Variants in RAI14 observed in about 807,000 individuals in gnomAD.
RAI14 encodes the protein retinoic acid induced 14, also known as ankycorbin.
A neutral mutation model predicts 115.4 loss-of-function variants in RAI14; 45 were observed. The ratio of observed to expected loss-of-function variants is 0.39; its 90% CI spans 0.31 to 0.50. RAI14 has a LOEUF of 0.50. RAI14 is among the 20% of genes least tolerant of loss of function. RAI14 has a pLI of 0.85. For synonymous variants in RAI14, 371 were observed against 415.4 expected, an observed-to-expected ratio of 0.89 and a Z score of 1.30; for missense variants, 939 against 1,131.2, an observed-to-expected ratio of 0.83 and a Z score of 2.44.
Position 34,820,443 on chromosome 5 carries a change from TA to T in RAI14, c.995-1285del, listed in dbSNP as rs542450702. 1.5e-3 allele frequency among the ~76,000 whole-genome samples: 221 copies of T among 152,204 alleles called. 1 individual carries two copies. Among genetic ancestry groups the T allele is most frequent in the African/African-American group, 5.0e-3 (208 of 41,536 alleles). On this transcript the variant is annotated intron_variant, in intron 13 of 17. Coordinates refer to ENST00000265109, the MANE Select transcript of RAI14 (RefSeq NM_015577.3). Reference sequence around the variant, plus strand: ...AAAAATACAAAAATTAGCTATTACATAAAATTATTGAGATTTTATGTAATAG... The same window carrying T: ...AAAAATACAAAAATTAGCTATTACATAAATTATTGAGATTTTATGTAATAG...
intron 2 of RAI14, among the ~76,000 whole-genome samples, chr5:34,717,982 A>T (rs1486373732): frequency 1.4e-5 from 2 of 147,336 alleles, no homozygotes; most frequent in African/African-American, 5.1e-5. Context: ...ACTCAGTAGG[A>T]CATCCTAAAG....
At chr5:34,703,271 T>G (rs1740306106) in intron 2 of RAI14, among the ~76,000 whole-genome samples, 1 of 152,222 alleles carries the variant, frequency 6.6e-6, no homozygotes, top group Non-Finnish European at 1.5e-5. Context: ...TCAACACCTC[T>G]TCTTAGAAAT....
chr5:34,710,079 G>A (rs146757107), intron 2 of RAI14, among the ~76,000 whole-genome samples: 299 of 152,312 alleles, frequency 2.0e-3, no homozygotes, highest in Middle Eastern at 3.4e-3. Context: ...TACATCCTCC[G>A]CTTTCCTCAC....
intron 2 of RAI14, among the ~76,000 whole-genome samples, chr5:34,752,489 AGATGAGCGAGTG>A (rs1747159555): frequency 6.6e-6 from 1 of 151,920 alleles, no homozygotes; most frequent in African/African-American, 2.4e-5. Flanking sequence ...GCTTCGGTTG[AGATGAGCGAGTG>A]GATGGCCCCC....
At position 34,786,491 on chromosome 5, in the gene RAI14, C is replaced by G. The variant is rs114153639; in HGVS notation, c.168-9448C>G. ...CTTTAGCTTTAGCTGGCAAACAAAC[C>G]GGCTCTGTTACTTCTTCTGTTACTT... On this transcript the variant is annotated intron_variant, in intron 3 of 17. Transcript: ENST00000265109. Among the ~76,000 whole-genome samples, 862 of 152,250 alleles carry G rather than the reference C, an allele frequency of 5.7e-3. 6 individuals carry two copies. Among genetic ancestry groups the G allele is most frequent in the African/African-American group, 0.02 (815 of 41,538 alleles).
intron 2 of RAI14, among the ~76,000 whole-genome samples, chr5:34,708,192 G>A (rs371337433): frequency 1.1e-4 from 16 of 150,432 alleles, no homozygotes; most frequent in African/African-American, 3.6e-4. Flanking sequence ...AAGTATAAGG[G>A]AACTTTGGGT....
chr5:34,785,323 T>C (rs1158750152), intron 3 of RAI14, among the ~76,000 whole-genome samples: 3 of 152,022 alleles, frequency 2.0e-5, no homozygotes, highest in African/African-American at 7.3e-5. Flanking sequence ...ACCTTGCAAA[T>C]TTTTTCCTAG....
chr5:34,781,367 T>TA (rs1252487879), intron 3 of RAI14, among the ~76,000 whole-genome samples: 1 of 152,032 alleles, frequency 6.6e-6, no homozygotes, highest in African/African-American at 2.4e-5. Context: ...AAGTATAATT[T>TA]AAAAAAATAA....
chr5:34,732,294 C>T (rs1744292179), intron 2 of RAI14, among the ~76,000 whole-genome samples: 1 of 151,982 alleles, frequency 6.6e-6, no homozygotes, highest in Non-Finnish European at 1.5e-5. Flanking sequence ...CAAATGTGGC[C>T]CATGGACTCG....
intron 1 of RAI14, among the ~76,000 whole-genome samples, chr5:34,676,420 A>G (rs1397941739): frequency 1.3e-5 from 2 of 152,224 alleles, no homozygotes; most frequent in East Asian, 3.8e-4. Context: ...TTTAAGGGAT[A>G]ATTGCATGGA....
intron 7 of RAI14, 55 bp downstream of exon 7, chr5:34,808,709 A>G (rs375175209): frequency 3.7e-4 from 561 of 1,501,514 alleles, no homozygotes; most frequent in African/African-American, 3.9e-4. Flanking sequence ...CTAGAGCTCA[A>G]TGGGATACCT....
At chr5:34,815,196 C>T (rs1379404477) in intron 12 of RAI14, among the ~76,000 whole-genome samples, 2 of 152,058 alleles carry the variant, frequency 1.3e-5, no homozygotes, top group African/African-American at 2.4e-5. Flanking sequence ...TCCTGGCCAA[C>T]ATGGTGAAAC....
intron 2 of RAI14, among the ~76,000 whole-genome samples, chr5:34,734,811 C>A (rs1245679610): frequency 6.6e-6 from 1 of 152,112 alleles, no homozygotes; most frequent in Non-Finnish European, 1.5e-5. Context: ...CAGGCACATA[C>A]CACCACGCCA....
intron 1 of RAI14, among the ~76,000 whole-genome samples, chr5:34,671,269 C>T (rs1384219292): frequency 2.0e-5 from 3 of 152,134 alleles, no homozygotes; most frequent in Admixed American, 6.6e-5. Context: ...ATCGTCTTCT[C>T]GGCAGCAGGA....
chr5:34,728,877 G>T (rs1323195400), intron 2 of RAI14, among the ~76,000 whole-genome samples: 1 of 152,074 alleles, frequency 6.6e-6, no homozygotes, highest in Non-Finnish European at 1.5e-5. Context: ...AGCCATGATG[G>T]CGTCACTGCA....
intron 2 of RAI14, among the ~76,000 whole-genome samples, chr5:34,700,187 T>A (rs1057369388): frequency 3.3e-5 from 5 of 152,172 alleles, no homozygotes; most frequent in African/African-American, 1.2e-4. Context: ...TGGCTGTGCT[T>A]GTGAAGGTTT....
intron 3 of RAI14, among the ~76,000 whole-genome samples, chr5:34,761,353 A>AT (rs1343809728): frequency 1.3e-5 from 2 of 151,760 alleles, no homozygotes; most frequent in South Asian, 2.1e-4. Context: ...CACCCAGCTA[A>AT]TTTTGGTTTT....
intron 2 of RAI14, among the ~76,000 whole-genome samples, chr5:34,731,152 CT>C (rs1265232733): frequency 6.6e-6 from 1 of 152,146 alleles, no homozygotes; most frequent in Non-Finnish European, 1.5e-5. Context: ...CAACAAAATG[CT>C]CTTTGTTTTT....
chr5:34,690,814 T>C (rs1435508663), intron 2 of RAI14, among the ~76,000 whole-genome samples: 2 of 152,226 alleles, frequency 1.3e-5, no homozygotes, highest in African/African-American at 4.8e-5. Context: ...AACTTTATTT[T>C]GGGAGTTCTT....
Sources: allele counts gnomAD v4.1 joint callset (sites outside exome capture counted in the v4.1 genomes callset), GRCh38; gene constraint gnomAD v4.1.1; transcripts MANE v1.5; gene names NCBI Gene and HGNC (gene_info 2026-07-23, HGNC 2026-07-21).